The following B3GALT1 variants were observed in gnomAD, a reference collection of about 807,000 sequenced individuals.
B3GALT1 encodes the protein beta-1,3-galactosyltransferase 1.
B3GALT1 carries 10 observed loss-of-function variants against 23.2 expected under a neutral mutation model. The observed-to-expected ratio is 0.43, with a 90% CI of 0.27 to 0.73. B3GALT1 has a LOEUF of 0.73. B3GALT1 is among the 30% of genes least tolerant of loss of function. The pLI is 0.21. For synonymous variants in B3GALT1, 156 were observed against 141.5 expected, an observed-to-expected ratio of 1.10 and a Z score of -0.73; for missense variants, 299 against 405.4, an observed-to-expected ratio of 0.74 and a Z score of 2.25.
intron 2 of B3GALT1, among the ~76,000 whole-genome samples, chr2:167,530,018 T>C (rs994817915): frequency 2.0e-5 from 3 of 152,166 alleles, no homozygotes; most frequent in African/African-American, 7.2e-5. Context: ...GAGACTCTAC[T>C]TGTCTAGCTC....
chr2:167,754,345 C>T (rs978125126), intron 3 of B3GALT1, among the ~76,000 whole-genome samples: 1 of 152,196 alleles, frequency 6.6e-6, no homozygotes, highest in African/African-American at 2.4e-5. Flanking sequence ...CAGTTAGACT[C>T]ACCTGGGGAG....
intron 1 of B3GALT1, among the ~76,000 whole-genome samples, chr2:167,446,347 G>A (rs551091558): frequency 5.5e-4 from 83 of 152,242 alleles, no homozygotes; most frequent in African/African-American, 1.8e-3. Flanking sequence ...GTGTCTTGGA[G>A]TTGGTCTTCT....
chr2:167,369,203 C>T (rs1038549427), intron 1 of B3GALT1, among the ~76,000 whole-genome samples: 4 of 151,458 alleles, frequency 2.6e-5, no homozygotes, highest in African/African-American at 9.7e-5. Context: ...ATGTGCAGGC[C>T]CTATCGTGTA....
At chr2:167,355,284 A>G (rs1697382195) in intron 1 of B3GALT1, among the ~76,000 whole-genome samples, 1 of 152,254 alleles carries the variant, frequency 6.6e-6, no homozygotes, top group South Asian at 2.1e-4. Flanking sequence ...TGAAAATTAC[A>G]GATAATCTAA....
intron 2 of B3GALT1, among the ~76,000 whole-genome samples, chr2:167,621,985 T>G (rs1488808128): frequency 6.6e-6 from 1 of 152,146 alleles, no homozygotes; most frequent in Non-Finnish European, 1.5e-5. Context: ...GGGTTTGTCT[T>G]TATTAGCAGC....
intron 1 of B3GALT1, among the ~76,000 whole-genome samples, chr2:167,402,440 ACT>A (rs749972346): frequency 6.6e-6 from 1 of 152,082 alleles, no homozygotes; most frequent in Non-Finnish European, 1.5e-5. Flanking sequence ...CTGAAAAACT[ACT>A]CTCTGATAGA....
At position 167,873,429 on chromosome 2, in the gene B3GALT1, G is replaced by A. The variant is rs935150356; in HGVS notation, c.*3409G>A. Reference sequence around the variant, plus strand: ...AACCCCTTTGCGTGACACGATATGGGGAAAATAAACTATTTACAGAGGAGC... The same window carrying A: ...AACCCCTTTGCGTGACACGATATGGAGAAAATAAACTATTTACAGAGGAGC... On this transcript the variant is annotated 3_prime_UTR_variant, in exon 5 of 5. Coordinates refer to ENST00000392690, the MANE Select transcript of B3GALT1 (RefSeq NM_020981.4). 3.9e-5 allele frequency: 6 copies of A among 151,908 alleles called. No homozygotes were observed. The highest frequency in any genetic ancestry group is 1.2e-4 in the African/African-American group (5 of 41,346). 9.4% of individuals were successfully genotyped at this position (151,908 alleles called of 1,614,324 possible).
chr2:167,489,317 G>C (rs954902042), intron 1 of B3GALT1, among the ~76,000 whole-genome samples: 1 of 152,178 alleles, frequency 6.6e-6, no homozygotes, highest in Admixed American at 6.5e-5. Flanking sequence ...TTAAGGAAAG[G>C]CTCCAAAATC....
chr2:167,835,637 C>G (rs1170778072), intron 4 of B3GALT1, among the ~76,000 whole-genome samples: 1 of 152,226 alleles, frequency 6.6e-6, no homozygotes, highest in Non-Finnish European at 1.5e-5. Flanking sequence ...GCAGTAACCT[C>G]TGCAGACTTA....
intron 1 of B3GALT1, among the ~76,000 whole-genome samples, chr2:167,447,802 G>T (rs1204293518): frequency 1.3e-5 from 2 of 152,120 alleles, no homozygotes; most frequent in African/African-American, 4.8e-5. Flanking sequence ...CTGACCCCTT[G>T]TGCTTCCTGG....
intron 1 of B3GALT1, among the ~76,000 whole-genome samples, chr2:167,487,781 C>T (rs1017993351): frequency 1.8e-4 from 28 of 152,198 alleles, no homozygotes; most frequent in African/African-American, 5.5e-4. Context: ...TATTGGAAAA[C>T]GGGTCTATTT....
At chr2:167,443,960 A>G (rs1698938659) in intron 1 of B3GALT1, among the ~76,000 whole-genome samples, 1 of 152,140 alleles carries the variant, frequency 6.6e-6, no homozygotes, top group Admixed American at 6.5e-5. Context: ...TCCAAAGGGA[A>G]TGCTTCCAGT....
chr2:167,408,221 C>T (rs936912492), intron 1 of B3GALT1, among the ~76,000 whole-genome samples: 1 of 152,112 alleles, frequency 6.6e-6, no homozygotes, highest in African/African-American at 2.4e-5. Flanking sequence ...GTTCAAAATA[C>T]ACAAATCAAT....
At chr2:167,687,346 G>A (rs1025329477) in intron 3 of B3GALT1, among the ~76,000 whole-genome samples, 2 of 152,090 alleles carry the variant, frequency 1.3e-5, no homozygotes, top group East Asian at 1.9e-4. Context: ...ATTTAACAGC[G>A]AACATATTTA....
chr2:167,863,981 C>CATGT (rs1376763183), intron 4 of B3GALT1, among the ~76,000 whole-genome samples: 32 of 131,032 alleles, frequency 2.4e-4, no homozygotes, highest in Admixed American at 9.0e-4. Context: ...TGTGTGCATG[C>CATGT]ATGTATGTAT....
intron 1 of B3GALT1, among the ~76,000 whole-genome samples, chr2:167,463,443 A>T (rs1359924975): frequency 6.6e-6 from 1 of 152,076 alleles, no homozygotes; most frequent in Non-Finnish European, 1.5e-5. Context: ...TATTCTAAGT[A>T]TTTTACCTGT....
At chr2:167,294,892 C>T (rs1353232044) in intron 1 of B3GALT1, among the ~76,000 whole-genome samples, 1 of 152,184 alleles carries the variant, frequency 6.6e-6, no homozygotes, top group Non-Finnish European at 1.5e-5. Flanking sequence ...TACCCAAAAC[C>T]AAACCGCAGA....
At chr2:167,538,157 G>A (rs1683460839) in intron 2 of B3GALT1, among the ~76,000 whole-genome samples, 3 of 152,028 alleles carry the variant, frequency 2.0e-5, no homozygotes, top group African/African-American at 4.8e-5. Context: ...TGTTCCCCCA[G>A]CGTATTACTT....
At chr2:167,734,740 A>G (rs1687466235) in intron 3 of B3GALT1, among the ~76,000 whole-genome samples, 1 of 152,198 alleles carries the variant, frequency 6.6e-6, no homozygotes, top group African/African-American at 2.4e-5. Flanking sequence ...CTGCTTTTCT[A>G]TTAAATTAAG....
Sources: gnomAD v4.1 joint callset for allele counts (sites outside exome capture counted in the v4.1 genomes callset) on GRCh38, gnomAD v4.1.1 for gene constraint, MANE v1.5 for transcripts, NCBI Gene and HGNC (gene_info 2026-07-23, HGNC 2026-07-21) for gene names.